Variants in CHLSN observed in about 807,000 individuals in gnomAD.
CHLSN encodes the protein protein cholesin.
the CHLSN span, among the ~76,000 whole-genome samples, chr7:995,265 G>A: frequency 6.6e-6 from 1 of 152,214 alleles, no homozygotes. Context: ...TGACTTCTCT[G>A]CGCCACCCTT....
At chr7:1,085,298 A>G in the CHLSN span, among the ~76,000 whole-genome samples, 1 of 152,248 alleles carries the variant, frequency 6.6e-6, no homozygotes, top group Non-Finnish European at 1.5e-5. Flanking sequence ...TCATAACGAC[A>G]TCAGATCCAA....
At chr7:1,053,826 C>A in the CHLSN span, among the ~76,000 whole-genome samples, 34 of 152,082 alleles carry the variant, frequency 2.2e-4, no homozygotes, top group African/African-American at 8.2e-4. Flanking sequence ...GACTCCATCT[C>A]AAAAAAACAA....
the CHLSN span, among the ~76,000 whole-genome samples, chr7:984,030 C>G: frequency 6.6e-6 from 1 of 152,210 alleles, no homozygotes; most frequent in Non-Finnish European, 1.5e-5. Context: ...GAAGACGGAT[C>G]AGGGTCTCTG....
chr7:1,068,514 T>G, the CHLSN span, among the ~76,000 whole-genome samples: 1 of 152,024 alleles, frequency 6.6e-6, no homozygotes, highest in South Asian at 2.1e-4. Flanking sequence ...CAGTTCTCAG[T>G]GAAGGAAATA....
At chr7:1,106,627 C>A in the CHLSN span, among the ~76,000 whole-genome samples, 1 of 152,102 alleles carries the variant, frequency 6.6e-6, no homozygotes, top group African/African-American at 2.4e-5. Context: ...GTGAGGGTGA[C>A]GGGCCTGGGG....
the CHLSN span, among the ~76,000 whole-genome samples, chr7:1,035,076 C>T: frequency 2.6e-5 from 4 of 152,038 alleles, no homozygotes; most frequent in Admixed American, 2.6e-4. Context: ...CATGTCTTTG[C>T]GACTGTGAAC....
At chr7:1,086,030 C>T in the CHLSN span, among the ~76,000 whole-genome samples, 2 of 152,210 alleles carry the variant, frequency 1.3e-5, no homozygotes, top group African/African-American at 4.8e-5. Context: ...CAGGAGAAGG[C>T]TGCGCTCCAA....
chr7:1,007,793 G>A, the CHLSN span, among the ~76,000 whole-genome samples: 1 of 152,188 alleles, frequency 6.6e-6, no homozygotes, highest in Non-Finnish European at 1.5e-5. Flanking sequence ...AGGTCCCAGA[G>A]GGGGAGAGGA....
the CHLSN span, among the ~76,000 whole-genome samples, chr7:1,098,327 T>C: frequency 6.6e-6 from 1 of 152,238 alleles, no homozygotes; most frequent in East Asian, 1.9e-4. Context: ...TGTTCGTGAA[T>C]GTCCACAGCA....
the CHLSN span, chr7:985,003 C>T: frequency 2.5e-6 from 4 of 1,611,130 alleles, no homozygotes; most frequent in African/African-American, 1.3e-5. Context: ...GTTCACGGTG[C>T]GTGCCCTGCA....
chr7:1,054,146 T>C, the CHLSN span, among the ~76,000 whole-genome samples: 1 of 152,218 alleles, frequency 6.6e-6, no homozygotes, highest in Non-Finnish European at 1.5e-5. Context: ...CCGCCCCAGC[T>C]GCCTTCCCTC....
the CHLSN span, among the ~76,000 whole-genome samples, chr7:1,027,612 T>A: frequency 1.2e-3 from 179 of 152,376 alleles, no homozygotes; most frequent in African/African-American, 4.1e-3. Context: ...GGCTCCCGAG[T>A]GAAGCTATCC....
At chr7:1,115,474 CCACG>C in the CHLSN span, among the ~76,000 whole-genome samples, 1 of 152,102 alleles carries the variant, frequency 6.6e-6, no homozygotes, top group Non-Finnish European at 1.5e-5. Flanking sequence ...TCACCAACGC[CCACG>C]CAGGATGACT....
the CHLSN span, among the ~76,000 whole-genome samples, chr7:1,069,678 T>C: frequency 1.0e-5 from 1 of 96,780 alleles, no homozygotes; most frequent in Non-Finnish European, 2.0e-5. Flanking sequence ...TGGAGTGCAG[T>C]GGCGTGATCT....
chr7:1,066,169 T>C, the CHLSN span, among the ~76,000 whole-genome samples: 101,360 of 152,196 alleles, frequency 0.67, 35,615 homozygotes, highest in African/African-American at 0.9. Flanking sequence ...ACAAGCTCCA[T>C]GGCGCTGCGG....
chr7:1,030,992 A>T, the CHLSN span, among the ~76,000 whole-genome samples: 1 of 152,186 alleles, frequency 6.6e-6, no homozygotes, highest in South Asian at 2.1e-4. Context: ...GTACAGTCTC[A>T]AGGGTGGAGT....
At chr7:1,089,477 G>A in the CHLSN span, among the ~76,000 whole-genome samples, 1 of 19,630 alleles carries the variant, frequency 5.1e-5, no homozygotes, top group Non-Finnish European at 9.8e-5. Context: ...CGAGTGCAGT[G>A]GTGTGATCTT....
At chr7:1,106,597 G>A in the CHLSN span, among the ~76,000 whole-genome samples, 2 of 152,144 alleles carry the variant, frequency 1.3e-5, no homozygotes, top group African/African-American at 4.8e-5. Context: ...GCAGGCAGGC[G>A]GGAGAACAGG....
the CHLSN span, among the ~76,000 whole-genome samples, chr7:1,114,445 A>C: frequency 5.9e-5 from 9 of 152,232 alleles, no homozygotes; most frequent in East Asian, 1.7e-3. Context: ...CCTTGGTTGG[A>C]CTCGATGTTT....
Sources: allele counts gnomAD v4.1 joint callset (sites outside exome capture counted in the v4.1 genomes callset), GRCh38; gene constraint gnomAD v4.1.1; transcripts MANE v1.5; gene names NCBI Gene and HGNC (gene_info 2026-07-23, HGNC 2026-07-21).